The following RAPGEF2 variants were observed in gnomAD, a reference collection of about 807,000 sequenced individuals.
RAPGEF2 encodes PDZ domain containing guanine nucleotide exchange factor (GEF) 1.
A neutral mutation model predicts 186.7 loss-of-function variants in RAPGEF2; 54 were observed. The ratio of observed to expected loss-of-function variants is 0.29; its 90% confidence interval spans 0.23 to 0.36. The LOEUF (loss-of-function observed/expected upper bound fraction) is 0.36, where lower values mean the gene tolerates loss of function less well. Ranked by LOEUF, RAPGEF2 falls within the 10% of genes least tolerant of loss-of-function variation. The pLI, the probability that RAPGEF2 is intolerant of heterozygous loss-of-function variation, is 1.00. For synonymous variants in RAPGEF2, 712 were observed against 705.9 expected (o/e 1.01, Z -0.14); for missense variants, 1,532 against 2,045.0 (o/e 0.75, Z 4.84).
At chr4:159,312,190 A>G (rs903310055) in intron 8 of RAPGEF2, among the ~76,000 whole-genome samples, 1 of 152,208 alleles carries the variant, frequency 6.6e-6, no homozygotes, top group Non-Finnish European at 1.5e-5. Context: ...ACCATTAGCT[A>G]TATAAATTAT....
chr4:159,232,982 A>G (rs931380179), intron 4 of RAPGEF2, among the ~76,000 whole-genome samples: 10 of 152,154 alleles, frequency 6.6e-5, no homozygotes, highest in Non-Finnish European at 1.5e-4. Flanking sequence ...AGAAATGCCT[A>G]TGTAAATCCT....
In RAPGEF2 at chr4:159,331,707, A is replaced by G; in HGVS notation, c.1653A>G (p.Lys551=). 60 of 1,614,156 alleles carry G rather than the reference A, an allele frequency of 3.7e-5. No individual in the cohort carries two copies. Among genetic ancestry groups the G allele is most frequent in the Non-Finnish European group, 5.0e-5 (59 of 1,180,008 alleles). ...KAKRRLMTLT[K]PSREAPLPFI... Reference sequence around the variant, plus strand: ...AAAGAAGATTGATGACGTTAACAAAACCATCCCGAGAAGCTCCTTTGCCTT... The same window carrying G: ...AAAGAAGATTGATGACGTTAACAAAGCCATCCCGAGAAGCTCCTTTGCCTT... Residue 551 remains lysine (K), a synonymous_variant, in exon 15 of 30, where the codon AAA becomes AAG. Transcript: ENST00000691494.
At chr4:159,350,989 G>T (rs1731089256) in intron 26 of RAPGEF2, 3 of 1,430,558 alleles carry the variant, frequency 2.1e-6, no homozygotes, top group South Asian at 2.5e-5. Flanking sequence ...TGTGCATTTT[G>T]TATGGGTATC....
chr4:159,337,433 TATC>T (rs1767580808), intron 17 of RAPGEF2, among the ~76,000 whole-genome samples: 1 of 152,248 alleles, frequency 6.6e-6, no homozygotes, highest in African/African-American at 2.4e-5. Context: ...TAAAATAATT[TATC>T]ATTCTGATGC....
At chr4:159,339,065 A>G (rs568857061) in intron 18 of RAPGEF2, 49 bp from the exon 19 acceptor site, 1 of 1,576,640 alleles carries the variant, frequency 6.3e-7, no homozygotes, top group Non-Finnish European at 8.6e-7. Flanking sequence ...TTGCATTGCC[A>G]TATATTAAAA....
At chr4:159,225,775 A>G (rs996090691) in intron 4 of RAPGEF2, among the ~76,000 whole-genome samples, 2 of 152,104 alleles carry the variant, frequency 1.3e-5, no homozygotes, top group East Asian at 3.8e-4. Flanking sequence ...GGCCATTTCT[A>G]TATCTTGACA....
intron 4 of RAPGEF2, among the ~76,000 whole-genome samples, chr4:159,213,308 A>G (rs1428617631): frequency 2.0e-5 from 3 of 152,204 alleles, no homozygotes; most frequent in African/African-American, 7.2e-5. Flanking sequence ...GAGGTTCTAT[A>G]TGGATTAGGT....
chr4:159,320,975 TATC>T (rs2111146215), intron 9 of RAPGEF2, among the ~76,000 whole-genome samples: 1 of 152,300 alleles, frequency 6.6e-6, no homozygotes, highest in East Asian at 1.9e-4. Context: ...CACGGACTTT[TATC>T]ATCTTTATTG....
At chr4:159,203,985 A>G (rs1749710167) in intron 3 of RAPGEF2, among the ~76,000 whole-genome samples, 1 of 152,190 alleles carries the variant, frequency 6.6e-6, no homozygotes, top group Non-Finnish European at 1.5e-5. Flanking sequence ...TTTGCACAGC[A>G]TTTCCTGCTT....
intron 7 of RAPGEF2, among the ~76,000 whole-genome samples, chr4:159,261,202 C>T (rs993530177): frequency 6.6e-6 from 1 of 152,062 alleles, no homozygotes; most frequent in Non-Finnish European, 1.5e-5. Context: ...GCTGGGACTA[C>T]AGGCACTGCC....
At chr4:159,242,487 C>T (rs538888437) in intron 6 of RAPGEF2, among the ~76,000 whole-genome samples, 1 of 151,866 alleles carries the variant, frequency 6.6e-6, no homozygotes, top group East Asian at 1.9e-4. Flanking sequence ...TATTCTATTT[C>T]TCAGAGAGCC....
At chr4:159,191,442 A>G (rs761643123) in intron 2 of RAPGEF2, among the ~76,000 whole-genome samples, 1 of 152,082 alleles carries the variant, frequency 6.6e-6, no homozygotes, top group Non-Finnish European at 1.5e-5. Context: ...ATAGAGATAG[A>G]ATATATAGAC....
chr4:159,313,562 A>T (rs1311734902), intron 8 of RAPGEF2, among the ~76,000 whole-genome samples: 1 of 152,030 alleles, frequency 6.6e-6, no homozygotes. Flanking sequence ...TTTAAAAAAT[A>T]TTTTTTTCTT....
intron 2 of RAPGEF2, among the ~76,000 whole-genome samples, chr4:159,190,728 A>T (rs1748040266): frequency 6.6e-6 from 1 of 152,188 alleles, no homozygotes; most frequent in Non-Finnish European, 1.5e-5. Context: ...CGAAGGGGGA[A>T]GCCCCTTATA....
chr4:159,226,270 T>G (rs1411318382), intron 4 of RAPGEF2, among the ~76,000 whole-genome samples: 2 of 152,210 alleles, frequency 1.3e-5, no homozygotes, highest in Admixed American at 1.3e-4. Flanking sequence ...TTGGCATGTT[T>G]GTTTAAAATC....
At chr4:159,251,493 C>T (rs1382321740) in intron 7 of RAPGEF2, among the ~76,000 whole-genome samples, 19 of 152,216 alleles carry the variant, frequency 1.2e-4, no homozygotes, top group Admixed American at 1.1e-3. Flanking sequence ...TACCAGTCAG[C>T]ACTCTGTATC....
chr4:159,252,833 T>C (rs1755626515), intron 7 of RAPGEF2, among the ~76,000 whole-genome samples: 1 of 152,248 alleles, frequency 6.6e-6, no homozygotes, highest in Non-Finnish European at 1.5e-5. Flanking sequence ...TTGGCTCTAA[T>C]GAGCTTTTGT....
intron 10 of RAPGEF2, 120 bp from the exon 11 acceptor site, chr4:159,323,339 G>A (rs1166489243): frequency 1.3e-6 from 1 of 762,650 alleles, no homozygotes; most frequent in Non-Finnish European, 2.0e-6. Flanking sequence ...GTAAACTTGA[G>A]TTACTTGTTT....
In RAPGEF2 at chr4:159,355,972, G is replaced by A. The variant is rs750688238; in HGVS notation, c.4771G>A (p.Val1591Met). 6.4e-5 allele frequency: 92 copies of A among 1,437,450 alleles called. No individual in the cohort carries two copies. Among genetic ancestry groups the A allele is most frequent in the Non-Finnish European group, 7.9e-5 (85 of 1,070,212 alleles). 89.0% of individuals were successfully genotyped at this position (1,437,450 alleles called of 1,614,324 possible). Residue 1591 changes from valine (V) to methionine (M), a missense_variant, in exon 29 of 30, where the codon GTG (valine) becomes ATG (methionine). Val to Met is a conservative substitution (Grantham distance 21, BLOSUM62 1). This residue lies in a region of RAPGEF2 where 594 missense variants were observed against 608.5 expected (regional missense o/e 0.98). Coordinates refer to ENST00000691494, the MANE Select transcript of RAPGEF2 (RefSeq NM_001394067.2). ...HPARKPPDYNVALQRSRMVAR... is the reference protein window; with the variant it reads ...HPARKPPDYNMALQRSRMVAR... ...AGCCAGGAAACCGCCGGACTACAAC[G>A]TGGCCCTTCAGAGATCGCGGATGGT...
Sources: gnomAD v4.1 joint callset for allele counts (sites outside exome capture counted in the v4.1 genomes callset) on GRCh38, gnomAD v4.1.1 for gene constraint, gnomAD v4.1.1 regional missense constraint, MANE v1.5 for transcripts, NCBI Gene and HGNC (gene_info 2026-07-23, HGNC 2026-07-21) for gene names.